The following CACNA1E variants were observed in gnomAD, a reference collection of about 807,000 sequenced individuals.
The protein encoded by CACNA1E is calcium voltage-gated channel subunit alpha1 E.
In CACNA1E, 40 loss-of-function variants were observed where a neutral mutation model predicts 259.2. The observed-to-expected ratio is 0.15, with a 90% CI of 0.12 to 0.20. The LOEUF (loss-of-function observed/expected upper bound fraction) is 0.20. Among genes scored for constraint, CACNA1E ranks in the 10% least tolerant of loss-of-function variants. The pLI, the probability that CACNA1E is intolerant of heterozygous loss-of-function variation, is 1.00. For missense variants in CACNA1E, 1,874 were observed against 3,040.1 expected (o/e 0.62, Z 9.02); for synonymous variants, 1,104 against 1,138.5 (o/e 0.97, Z 0.61).
intron 7 of CACNA1E, among the ~76,000 whole-genome samples, chr1:181,701,130 A>G (rs1389910700): frequency 1.3e-5 from 2 of 152,158 alleles, no homozygotes; most frequent in Non-Finnish European, 1.5e-5. Flanking sequence ...AATGTGGGAA[A>G]TGCAAAACTT....
chr1:181,419,287 C>T (rs1658533845), intron 2 of CACNA1E, among the ~76,000 whole-genome samples: 1 of 152,202 alleles, frequency 6.6e-6, no homozygotes, highest in South Asian at 2.1e-4. Context: ...CCCCTTAACT[C>T]ATTCTGCACT....
At chr1:181,568,344 G>A (rs1457328840) in intron 3 of CACNA1E, among the ~76,000 whole-genome samples, 1 of 152,184 alleles carries the variant, frequency 6.6e-6, no homozygotes, top group Non-Finnish European at 1.5e-5. Context: ...ATTAGTTTAG[G>A]TACAGAGACC....
chr1:181,322,087 C>T (rs1460997365), intron 1 of CACNA1E, among the ~76,000 whole-genome samples: 7 of 152,092 alleles, frequency 4.6e-5, no homozygotes, highest in East Asian at 1.9e-4. Context: ...CAGCGACTGC[C>T]CTTGGTCTCC....
At chr1:181,404,231 C>T (rs1385005148) in intron 1 of CACNA1E, among the ~76,000 whole-genome samples, 2 of 152,142 alleles carry the variant, frequency 1.3e-5, no homozygotes, top group East Asian at 3.9e-4. Flanking sequence ...AAACATAATG[C>T]CTACTACAGT....
chr1:181,372,506 AG>A (rs897402746), intron 1 of CACNA1E, among the ~76,000 whole-genome samples: 42 of 152,272 alleles, frequency 2.8e-4, no homozygotes, highest in African/African-American at 9.9e-4. Flanking sequence ...GGCAGAGACT[AG>A]GGGGTTTTCT....
At chr1:181,388,115 A>C (rs1028602919) in intron 1 of CACNA1E, among the ~76,000 whole-genome samples, 7 of 152,194 alleles carry the variant, frequency 4.6e-5, no homozygotes, top group African/African-American at 1.7e-4. Context: ...CGGAGAGTGG[A>C]GCACCCAGCG....
At chr1:181,631,847 G>A (rs1266378335) in intron 6 of CACNA1E, among the ~76,000 whole-genome samples, 1 of 152,168 alleles carries the variant, frequency 6.6e-6, no homozygotes, top group Non-Finnish European at 1.5e-5. Flanking sequence ...TCCTTTGTGG[G>A]AGACACATGA....
At chr1:181,436,942 T>C (rs1213581996) in intron 2 of CACNA1E, among the ~76,000 whole-genome samples, 1 of 152,198 alleles carries the variant, frequency 6.6e-6, no homozygotes, top group Non-Finnish European at 1.5e-5. Context: ...ACAATTTAAA[T>C]ATATATGAAA....
rs1212794566 is a variant in CACNA1E, at chr1:181,343,257, G to A, written c.-15+25134G>A. ...TTTGAGAGGCTGATATGGGCTGGAT[G>A]GTATCCCCTCCAAATCTCATGTTGC... On this transcript the variant is annotated intron_variant, in intron 1 of 11. Transcript: ENST00000524607. 4.6e-5 allele frequency among the ~76,000 whole-genome samples: 7 copies of A among 152,242 alleles called. No homozygotes were observed. In the East Asian group the frequency reaches 7.7e-4, roughly 17 times the overall value.
intron 16 of CACNA1E, among the ~76,000 whole-genome samples, chr1:181,722,229 A>G (rs1482169314): frequency 6.6e-6 from 1 of 152,210 alleles, no homozygotes; most frequent in African/African-American, 2.4e-5. Context: ...AATTAATTAC[A>G]TGCTAATGTA....
At chr1:181,615,047 A>T (rs1490747029) in intron 6 of CACNA1E, among the ~76,000 whole-genome samples, 1 of 152,218 alleles carries the variant, frequency 6.6e-6, no homozygotes, top group African/African-American at 2.4e-5. Context: ...ACTGCATTGA[A>T]TCTATAGAAT....
At chr1:181,725,679 C>G (rs1208288576) in intron 17 of CACNA1E, among the ~76,000 whole-genome samples, 4 of 152,198 alleles carry the variant, frequency 2.6e-5, no homozygotes, top group Non-Finnish European at 5.9e-5. Context: ...CTGGAAGGCC[C>G]CTGCTCCATC....
chr1:181,338,146 C>T (rs6679767), intron 1 of CACNA1E, among the ~76,000 whole-genome samples: 2,075 of 152,174 alleles, frequency 0.014, 59 homozygotes, highest in African/African-American at 0.047. Flanking sequence ...AGTGCGGTGG[C>T]GTGATCTTGG....
intron 1 of CACNA1E, among the ~76,000 whole-genome samples, chr1:181,508,528 C>A (rs183548136): frequency 9.4e-4 from 143 of 152,290 alleles, no homozygotes; most frequent in Non-Finnish European, 1.7e-3. Context: ...AGGCCCAGGG[C>A]AACCTAGGCT....
Position 181,498,697 on chromosome 1 carries a change from C to T in CACNA1E, c.267-11780C>T, listed in dbSNP as rs151046056. Among the ~76,000 whole-genome samples the T allele has an allele frequency of 1.5e-3, 226 of 152,214 alleles. 1 individual carries two copies. Among genetic ancestry groups the T allele is most frequent in the African/African-American group, 4.5e-3 (187 of 41,510 alleles). ...CACTTATCCATAAGAAAACTGAAGG[C>T]CATAGAGGTTAAATGATTTGCCTCA... On this transcript the variant is annotated intron_variant, in intron 1 of 47. Transcript: ENST00000367573.
At chr1:181,401,333 C>T (rs1253245790) in intron 1 of CACNA1E, among the ~76,000 whole-genome samples, 1 of 152,204 alleles carries the variant, frequency 6.6e-6, no homozygotes, top group Non-Finnish European at 1.5e-5. Flanking sequence ...CAGGCAGCCT[C>T]CCCAACTCCC....
In CACNA1E at chr1:181,580,411, T is replaced by G. The variant is rs10494540; in HGVS notation, c.770-184T>G. Among the ~76,000 whole-genome samples, 72,909 of 151,956 alleles carry G rather than the reference T, an allele frequency of 0.48. 17,993 individuals carry two copies. The highest frequency in any genetic ancestry group is 0.66 in the East Asian group (3,417 of 5,146). ...TTCAGGAGACTGGGAAACATTGGAT[T>G]GAACACATGATATGTGAGCTGGGAG... is the stretch of plus-strand genomic sequence containing the variant. On this transcript the variant is annotated intron_variant, in intron 5 of 47. Coordinates refer to ENST00000367573, the MANE Select transcript of CACNA1E (RefSeq NM_001205293.3).
intron 1 of CACNA1E, among the ~76,000 whole-genome samples, chr1:181,377,510 G>A (rs1214101533): frequency 6.6e-6 from 1 of 152,122 alleles, no homozygotes; most frequent in Non-Finnish European, 1.5e-5. Context: ...GCCATCAGGG[G>A]TTTTACAGCA....
intron 2 of CACNA1E, among the ~76,000 whole-genome samples, chr1:181,455,564 A>G (rs565970576): frequency 5.3e-5 from 8 of 152,312 alleles, no homozygotes; most frequent in Admixed American, 1.3e-4. Flanking sequence ...GCTCCTTTCA[A>G]TTAACCAGGT....
Sources: allele counts gnomAD v4.1 joint callset (sites outside exome capture counted in the v4.1 genomes callset), GRCh38; gene constraint gnomAD v4.1.1; transcripts MANE v1.5; gene names NCBI Gene and HGNC (gene_info 2026-07-23, HGNC 2026-07-21).